KIRREL3: variants seen among roughly 807,000 people sequenced by gnomAD.
KIRREL3 encodes kirre like nephrin family adhesion molecule 3, also known as kin of IRRE-like protein 3.
Under a neutral mutation model 89.7 loss-of-function variants are expected in KIRREL3, and 36 were observed. The observed-to-expected ratio is 0.40, with a 90% CI of 0.31 to 0.53. The LOEUF (loss-of-function observed/expected upper bound fraction) is 0.53, where lower values mean the gene tolerates loss of function less well. KIRREL3 is among the 20% of genes least tolerant of loss of function. KIRREL3 has a pLI of 0.49. For synonymous variants in KIRREL3, 445 were observed against 441.4 expected (o/e 1.01, Z -0.10); for missense variants, 864 against 1,056.6 (o/e 0.82, Z 2.53).
rs573316255 is a variant in KIRREL3 at position 126,486,260 on chromosome 11, T to G, written c.434-12794A>C. 6.6e-6 allele frequency among the ~76,000 whole-genome samples: 1 copy of G among 151,984 alleles called. No individual in the cohort carries two copies. On this transcript the variant is annotated intron_variant, in intron 4 of 16. Transcript: ENST00000525144. The surrounding 1 kb of genome is among the most constrained non-coding windows in gnomAD (Gnocchi z 6.2). ...TCTGCACAGCAAGGGTGAGAGGGCT[T>G]GGGAGAGGCCAGCAGAGAAGGGACA...
At chr11:126,442,690 C>G (rs913975230) in intron 10 of KIRREL3, among the ~76,000 whole-genome samples, 1 of 152,252 alleles carries the variant, frequency 6.6e-6, no homozygotes, top group African/African-American at 2.4e-5. Context: ...ATCCACTGGG[C>G]GTCCCCCCTC....
rs1184479299 is a variant in KIRREL3, at chr11:126,477,381, C to T, written c.434-3915G>A. On this transcript the variant is annotated intron_variant, in intron 4 of 16. Coordinates refer to ENST00000525144, the MANE Select transcript of KIRREL3 (RefSeq NM_032531.4). The surrounding 1 kb of genome is among the most constrained non-coding windows in gnomAD (Gnocchi z 4.8). ...TTCCCTGTGTGTGGGAGGGAGCCCC[C>T]AAAAGCTTTCCCCAAGTTCTGCTGC... Among the ~76,000 whole-genome samples, 1 of 152,096 alleles carries T rather than the reference C, an allele frequency of 6.6e-6. No homozygotes were observed. Among genetic ancestry groups the T allele is most frequent in the African/African-American group, 2.4e-5 (1 of 41,416 alleles).
At chr11:126,534,601 C>T (rs759315575) in intron 2 of KIRREL3, among the ~76,000 whole-genome samples, 94 of 152,186 alleles carry the variant, frequency 6.2e-4, no homozygotes, top group Non-Finnish European at 1.1e-3. Flanking sequence ...GTGCGTCTCC[C>T]CTGCACACCC....
Position 126,763,786 on chromosome 11 carries a change from A to G in KIRREL3, c.56-200874T>C. On this transcript the variant is annotated intron_variant, in intron 1 of 16. Transcript: ENST00000525144. The surrounding 1 kb of genome is among the most constrained non-coding windows in gnomAD (Gnocchi z 4.7). ...GGAAAGCTTGTCCACAAAGCACTTG[A>G]CACACAGTAGGCACTGAGTAAATTC... 6.6e-6 allele frequency among the ~76,000 whole-genome samples: 1 copy of G among 152,186 alleles called. No individual in the cohort carries two copies. Among genetic ancestry groups the G allele is most frequent in the East Asian group, 1.9e-4 (1 of 5,204 alleles).
At chr11:126,982,152 C>A (rs1309773600) in intron 1 of KIRREL3, among the ~76,000 whole-genome samples, 1 of 152,224 alleles carries the variant, frequency 6.6e-6, no homozygotes, top group Non-Finnish European at 1.5e-5. Flanking sequence ...GACACAGGTT[C>A]CTCAAGGGCT....
intron 1 of KIRREL3, among the ~76,000 whole-genome samples, chr11:126,730,436 A>G (rs1948571181): frequency 1.3e-5 from 2 of 152,242 alleles, no homozygotes; most frequent in East Asian, 1.9e-4. Flanking sequence ...TCCTACAGGT[A>G]TCTTCAACCT....
chr11:126,827,764 G>A (rs4937193), intron 1 of KIRREL3, among the ~76,000 whole-genome samples: 131,239 of 152,176 alleles, frequency 0.86, 56,936 homozygotes, highest in East Asian at 1. Context: ...AAGTGAAAGG[G>A]GTTCCAGGTA....
At chr11:126,884,572 A>G (rs1485773518) in intron 1 of KIRREL3, among the ~76,000 whole-genome samples, 2 of 152,218 alleles carry the variant, frequency 1.3e-5, no homozygotes, top group African/African-American at 4.8e-5. Flanking sequence ...ACACACCACA[A>G]GGGGAGGCAA....
rs539271980 is a variant in KIRREL3, at chr11:126,597,859, C to T, written c.56-34947G>A. Among the ~76,000 whole-genome samples, 95 of 152,350 alleles carry T rather than the reference C, an allele frequency of 6.2e-4. 2 individuals carry two copies. Among genetic ancestry groups the T allele is most frequent in the Non-Finnish European group, 9.7e-4 (66 of 68,036 alleles). On this transcript the variant is annotated intron_variant, in intron 1 of 16. Transcript: ENST00000525144. ...TTCCTGTCTTCACTTTTCTACCTAC[C>T]TTGATCAGTACTGTATCATTTGGAA...
At chr11:126,592,868 CTGT>C (rs1205648846) in intron 1 of KIRREL3, among the ~76,000 whole-genome samples, 3 of 152,112 alleles carry the variant, frequency 2.0e-5, no homozygotes, top group African/African-American at 7.2e-5. Flanking sequence ...CAGAAAAGGC[CTGT>C]TGTTGAGAGA....
rs545251612 is a variant in KIRREL3, at chr11:126,624,971, A to G, written c.56-62059T>C. On this transcript the variant is annotated intron_variant, in intron 1 of 16. Transcript: ENST00000525144. This position sits in a 1 kb window ranked among gnomAD's most constrained non-coding sequence, Gnocchi z 6.0. ...TCATCACAAGGTCACTGATTGTTGG[A>G]TGGCATGGGCACGCTTCCCATTATG... Among the ~76,000 whole-genome samples, 1 of 152,232 alleles carries G rather than the reference A, an allele frequency of 6.6e-6. No homozygotes were observed. Among genetic ancestry groups the G allele is most frequent in the East Asian group, 1.9e-4 (1 of 5,172 alleles).
At position 126,496,051 on chromosome 11, in the gene KIRREL3, A is replaced by G. The variant is rs537435484; in HGVS notation, c.434-22585T>C. ...CAGACATGTGACCCCAGCCCCTCCT[A>G]TGTCTGATTGCAGAGATCCAGAACC... On this transcript the variant is annotated intron_variant, in intron 4 of 16. Transcript: ENST00000525144. The surrounding 1 kb of genome is among the most constrained non-coding windows in gnomAD (Gnocchi z 4.9). Among the ~76,000 whole-genome samples, 149 of 152,168 alleles carry G rather than the reference A, an allele frequency of 9.8e-4. No homozygotes were observed. Among genetic ancestry groups the G allele is most frequent in the African/African-American group, 3.3e-3 (135 of 41,518 alleles).
In KIRREL3 at chr11:126,651,008, C is replaced by T. The variant is rs1314656294; in HGVS notation, c.56-88096G>A. ...AAGTGAAAATCCCTGATAAAACCAT[C>T]AGATCTCATGAGACACATTCACTTC... On this transcript the variant is annotated intron_variant, in intron 1 of 16. Coordinates refer to ENST00000525144, the MANE Select transcript of KIRREL3 (RefSeq NM_032531.4). This position sits in a 1 kb window ranked among gnomAD's most constrained non-coding sequence, Gnocchi z 4.6. Among the ~76,000 whole-genome samples, 2 of 152,154 alleles carry T rather than the reference C, an allele frequency of 1.3e-5. No individual in the cohort carries two copies. The highest frequency in any genetic ancestry group is 4.8e-5 in the African/African-American group (2 of 41,436).
chr11:126,863,536 CGTGTGAGT>C (rs1168419657), intron 1 of KIRREL3, among the ~76,000 whole-genome samples: 5 of 110,398 alleles, frequency 4.5e-5, no homozygotes, highest in Non-Finnish European at 9.3e-5. Flanking sequence ...TGTGTGAGTG[CGTGTGAGT>C]GTGTGAGTGC....
At chr11:126,680,414 A>G (rs986103732) in intron 1 of KIRREL3, among the ~76,000 whole-genome samples, 2 of 151,648 alleles carry the variant, frequency 1.3e-5, no homozygotes, top group Non-Finnish European at 1.5e-5. Flanking sequence ...ATATATATAT[A>G]TACACATAGC....
At chr11:126,816,380 G>C (rs1203338395) in intron 1 of KIRREL3, among the ~76,000 whole-genome samples, 1 of 152,198 alleles carries the variant, frequency 6.6e-6, no homozygotes, top group Non-Finnish European at 1.5e-5. Flanking sequence ...GAAGTTGAGT[G>C]AAGATTCCAT....
chr11:126,526,460 G>A lies in KIRREL3; in HGVS notation c.283+78C>T. On this transcript the variant is annotated intron_variant, in intron 3 of 16. Transcript: ENST00000525144. This position sits in a 1 kb window ranked among gnomAD's most constrained non-coding sequence, Gnocchi z 5.7. ...GATACTCAGACACCTGTGAAGATGG[G>A]TGCTCCCTAGGAAGGTGGATGGGTG... The A allele has an allele frequency of 7.2e-7, 1 of 1,389,210 alleles. No individual in the cohort carries two copies. Among genetic ancestry groups the A allele is most frequent in the Non-Finnish European group, 9.9e-7 (1 of 1,008,938 alleles). The allele number at this position is 1,389,210 out of a possible 1,614,324, so 86.1% of individuals were successfully genotyped here.
At chr11:126,967,506 T>G in intron 1 of KIRREL3, among the ~76,000 whole-genome samples, 1 of 152,026 alleles carries the variant, frequency 6.6e-6, no homozygotes, top group Non-Finnish European at 1.5e-5. Flanking sequence ...GGTGCCCTTT[T>G]CTATATTTGA....
Position 126,437,532 on chromosome 11 carries a change from C to T in KIRREL3, c.1354-523G>A, listed in dbSNP as rs374355342. Among the ~76,000 whole-genome samples the T allele has an allele frequency of 3.3e-5, 5 of 152,264 alleles. No homozygotes were observed. The East Asian group carries it at 5.8e-4, about 18-fold the overall frequency. On this transcript the variant is annotated intron_variant, in intron 11 of 16. Transcript: ENST00000525144. Reference sequence around the variant, plus strand: ...AAACATGCATCACAACACATGCACACACCAAAGCACACAACACATCACAGT... The same window carrying T: ...AAACATGCATCACAACACATGCACATACCAAAGCACACAACACATCACAGT...
Sources: gnomAD v4.1 joint callset for allele counts (sites outside exome capture counted in the v4.1 genomes callset) on GRCh38, gnomAD v4.1.1 for gene constraint, Gnocchi (gnomAD v3.1) non-coding constraint, MANE v1.5 for transcripts, NCBI Gene and HGNC (gene_info 2026-07-23, HGNC 2026-07-21) for gene names.